The following SEPTIN2 variants were observed in gnomAD, a reference collection of about 807,000 sequenced individuals.
SEPTIN2 encodes septin-2.
SEPTIN2 carries 34 observed loss-of-function variants against 46.5 expected under a neutral mutation model. That is an observed-to-expected ratio of 0.73 (90% CI 0.56 to 0.97). The LOEUF (loss-of-function observed/expected upper bound fraction) is 0.97, where lower values mean the gene tolerates loss of function less well. Among genes scored for constraint, SEPTIN2 ranks in the 50% least tolerant of loss-of-function variants. SEPTIN2 has a pLI of 0.00. For synonymous variants in SEPTIN2, 175 were observed against 153.4 expected, an observed-to-expected ratio of 1.14 and a Z score of -1.04; for missense variants, 347 against 448.4, an observed-to-expected ratio of 0.77 and a Z score of 2.04.
At position 241,326,067 on chromosome 2, in the gene SEPTIN2, C is replaced by T; in HGVS notation, c.84C>T (p.His28=). The part of the protein sequence containing the change: ...VGFANLPNQV[H]RKSVKKGFEF... ...TTGCAAACCTCCCCAATCAAGTTCA[C>T]CGAAAATCAGTGAAAAAAGGTTTTG... is the stretch of plus-strand genomic sequence containing the variant. Residue 28 remains histidine, a synonymous_variant, in exon 3 of 13, where the codon CAC becomes CAT. Coordinates refer to ENST00000391971, the MANE Select transcript of SEPTIN2 (RefSeq NM_004404.5). The T allele has an allele frequency of 6.2e-7, 1 of 1,613,758 alleles. No individual in the cohort carries two copies. The highest frequency in any genetic ancestry group is 8.5e-7 in the Non-Finnish European group (1 of 1,179,842).
chr2:241,348,296 C>G, intron 11 of SEPTIN2, 105 bp downstream of exon 11: 1 of 771,200 alleles, frequency 1.3e-6, no homozygotes, highest in Non-Finnish European at 2.1e-6. Flanking sequence ...GGCGTGATCT[C>G]GGCTCACTGC....
intron 1 of SEPTIN2, among the ~76,000 whole-genome samples, chr2:241,318,840 G>A (rs1250577419): frequency 2.6e-5 from 4 of 151,928 alleles, no homozygotes; most frequent in Non-Finnish European, 4.4e-5. Context: ...TGGGATTACA[G>A]GCAGGCGCCA....
intron 1 of SEPTIN2, among the ~76,000 whole-genome samples, chr2:241,319,050 T>C (rs550963982): frequency 6.6e-6 from 1 of 152,348 alleles, no homozygotes; most frequent in African/African-American, 2.4e-5. Context: ...TGTTTTCTTT[T>C]GATTTTCTTG....
chr2:241,338,590 A>AT (rs1309063243), intron 7 of SEPTIN2, among the ~76,000 whole-genome samples: 1 of 135,064 alleles, frequency 7.4e-6, no homozygotes, highest in Non-Finnish European at 1.5e-5. Flanking sequence ...TCTCTAAAAA[A>AT]ATATATATAT....
chr2:241,320,992 T>A (rs532211531), intron 1 of SEPTIN2, among the ~76,000 whole-genome samples: 4 of 152,340 alleles, frequency 2.6e-5, no homozygotes, highest in Non-Finnish European at 5.9e-5. Context: ...TGTAACAAAT[T>A]ACTGGGAGTT....
intron 5 of SEPTIN2, 116 bp downstream of exon 5, chr2:241,336,214 C>T (rs2079955015): frequency 1.9e-6 from 2 of 1,059,560 alleles, no homozygotes; most frequent in South Asian, 1.7e-5. Context: ...AATAAAACAC[C>T]TAGACAATTT....
intron 1 of SEPTIN2, among the ~76,000 whole-genome samples, chr2:241,323,461 T>C (rs2077451216): frequency 6.6e-6 from 1 of 152,180 alleles, no homozygotes; most frequent in Non-Finnish European, 1.5e-5. Context: ...TTTCACCATG[T>C]TGGCCAGGCT....
chr2:241,320,148 G>A (rs2076935400), intron 1 of SEPTIN2: 1 of 454,966 alleles, frequency 2.2e-6, no homozygotes, highest in South Asian at 1.6e-5. Flanking sequence ...ATCTGGGTTT[G>A]TTATTAAAAC....
intron 10 of SEPTIN2, among the ~76,000 whole-genome samples, chr2:241,347,518 C>G (rs2060367966): frequency 6.6e-6 from 1 of 152,142 alleles, no homozygotes; most frequent in South Asian, 2.1e-4. Context: ...TCACGCAGAT[C>G]CTGCTCCTTA....
At chr2:241,321,311 G>GT (rs1198871824) in intron 1 of SEPTIN2, among the ~76,000 whole-genome samples, 4 of 151,592 alleles carry the variant, frequency 2.6e-5, no homozygotes, top group Non-Finnish European at 5.9e-5. Flanking sequence ...TGCTTTATGT[G>GT]TTTATCTACA....
At chr2:241,339,473 G>A (rs1426682983) in intron 7 of SEPTIN2, among the ~76,000 whole-genome samples, 1 of 152,110 alleles carries the variant, frequency 6.6e-6, no homozygotes, top group Non-Finnish European at 1.5e-5. Flanking sequence ...TTTGCAGAAT[G>A]AAATCACATA....
At chr2:241,335,392 ACTTT>A (rs2079782172) in intron 4 of SEPTIN2, 180 bp downstream of exon 4, 1 of 1,534,456 alleles carries the variant, frequency 6.5e-7, no homozygotes, top group South Asian at 1.2e-5. Flanking sequence ...TGGGTTGTAG[ACTTT>A]CTTTGACACG....
In SEPTIN2 at chr2:241,337,384, T is replaced by G; in HGVS notation, c.344T>G (p.Phe115Cys). The G allele has an allele frequency of 6.2e-7, 1 of 1,612,394 alleles. No individual in the cohort carries two copies. The highest frequency in any genetic ancestry group is 8.5e-7 in the Non-Finnish European group (1 of 1,179,402). The change falls in exon 6 of 13, where the codon TTT becomes TGT. Residue 115 changes from phenylalanine to cysteine, a missense_variant and splice_region_variant. Physicochemically the swap from Phe to Cys is radical, Grantham distance 205. Coordinates refer to ENST00000391971, the MANE Select transcript of SEPTIN2 (RefSeq NM_004404.5). ...GTTAATGTTTCTGTTTCTCTCAGTTTTAAGACAATTATCTCCTATATTGAT... is the reference window on the plus strand; with the variant it reads ...GTTAATGTTTCTGTTTCTCTCAGTTGTAAGACAATTATCTCCTATATTGAT... ...YGDAINCRDC[F>C]KTIISYIDEQ...
chr2:241,315,360 TACTCGGCGCCCCA>T (rs1370310815), upstream of SEPTIN2: 2 of 152,012 alleles, frequency 1.3e-5, no homozygotes, highest in Admixed American at 6.5e-5. Context: ...CGCCCAGTCG[TACTCGGCGCCCCA>T]GCTCGGTGCT....
At chr2:241,348,366 T>C (rs537972276) in intron 11 of SEPTIN2, among the ~76,000 whole-genome samples, 175 bp downstream of exon 11, 22 of 152,206 alleles carry the variant, frequency 1.4e-4, no homozygotes, top group African/African-American at 3.1e-4. Flanking sequence ...TAGCTGGGAC[T>C]ACAGGTGCCC....
chr2:241,339,228 T>C (rs916179774), intron 7 of SEPTIN2, among the ~76,000 whole-genome samples: 1 of 150,916 alleles, frequency 6.6e-6, no homozygotes, highest in Non-Finnish European at 1.5e-5. Flanking sequence ...ACTCCGTCTC[T>C]AAAAAATTAC....
At chr2:241,333,134 CAG>C (rs1559623685) in intron 3 of SEPTIN2, among the ~76,000 whole-genome samples, 1 of 151,934 alleles carries the variant, frequency 6.6e-6, no homozygotes, top group Non-Finnish European at 1.5e-5. Context: ...TAAAATAAAA[CAG>C]GTAGGGGGTT....
intron 3 of SEPTIN2, among the ~76,000 whole-genome samples, chr2:241,332,953 C>T (rs1422950630): frequency 3.3e-5 from 5 of 152,116 alleles, no homozygotes; most frequent in African/African-American, 7.2e-5. Flanking sequence ...TGTTTGCCTG[C>T]GGTGGGGACT....
intron 7 of SEPTIN2, 82 bp from the exon 8 acceptor site, chr2:241,342,910 A>G: frequency 1.4e-6 from 1 of 702,664 alleles, no homozygotes; most frequent in Admixed American, 2.5e-5. Context: ...TTTCCAATAT[A>G]TTTCTTACAA....
Sources: gnomAD v4.1 joint callset for allele counts (sites outside exome capture counted in the v4.1 genomes callset) on GRCh38, gnomAD v4.1.1 for gene constraint, MANE v1.5 for transcripts, NCBI Gene and HGNC (gene_info 2026-07-23, HGNC 2026-07-21) for gene names.